Variants in PRDX4 observed in about 807,000 individuals in gnomAD.
The protein encoded by PRDX4 is peroxiredoxin 4, also known as peroxiredoxin-4.
PRDX4 carries 12 observed loss-of-function variants against 20.5 expected under a neutral mutation model. That is an observed-to-expected ratio of 0.58 (90% CI 0.37 to 0.95). PRDX4 has a LOEUF of 0.95. Ranked by LOEUF, PRDX4 falls within the 40% of genes least tolerant of loss-of-function variation. The probability of loss-of-function intolerance (pLI) is 0.01; values close to 1 mark genes in which losing one functional copy is unlikely to be tolerated. For synonymous variants in PRDX4, 99 were observed against 87.5 expected (o/e 1.13, Z -0.73); for missense variants, 180 against 207.3 (o/e 0.87, Z 0.81).
At chrX:23,680,860 A>G (rs931187507) in intron 4 of PRDX4, among the ~76,000 whole-genome samples, 4 of 111,451 alleles carry the variant, frequency 3.6e-5, no homozygotes, top group South Asian at 7.5e-4. Flanking sequence ...GCAATGATCT[A>G]TGATCACACC....
chrX:23,674,265 T>C (rs775680117), intron 2 of PRDX4, among the ~76,000 whole-genome samples: 64 of 112,068 alleles, frequency 5.7e-4, no homozygotes, highest in Non-Finnish European at 1.2e-3. Flanking sequence ...TATTTGTATA[T>C]ATAAATATGT....
chrX:23,684,171 G>A (rs369887441), intron 6 of PRDX4, among the ~76,000 whole-genome samples: 15 of 110,507 alleles, frequency 1.4e-4, no homozygotes, highest in Non-Finnish European at 2.3e-4. Flanking sequence ...TCTTTGGCCT[G>A]TAGGAAGAGT....
intron 6 of PRDX4, chrX:23,686,009 C>A (rs1219063644): frequency 2.4e-6 from 1 of 416,502 alleles, no homozygotes; most frequent in South Asian, 2.7e-5. Flanking sequence ...TAGATCAAAC[C>A]TGAAGATACC....
chrX:23,686,377 A>T lies in PRDX4; in HGVS notation c.*42A>T, dbSNP rs1467047901. On this transcript the variant is annotated 3_prime_UTR_variant, in exon 7 of 7. Coordinates refer to ENST00000379341, the MANE Select transcript of PRDX4 (RefSeq NM_006406.2). ...TTATGATGCTTGAAAGTTCTCAATA[A>T]AGTTCACGGTTTCATTACCACATTG... 9.7e-7 allele frequency: 1 copy of T among 1,032,713 alleles called. No homozygotes were observed. The highest frequency in any genetic ancestry group is 1.9e-5 in the African/African-American group (1 of 53,279). The allele number at this position is 1,032,713 out of a possible 1,213,427, so 85.1% of individuals were successfully genotyped here.
At chrX:23,675,181 A>T in intron 3 of PRDX4, 75 bp downstream of exon 3, 2 of 1,205,336 alleles carry the variant, frequency 1.7e-6, no homozygotes, top group Non-Finnish European at 2.2e-6. Context: ...ATAACTCTTG[A>T]TATGATATAA....
intron 5 of PRDX4, among the ~76,000 whole-genome samples, chrX:23,682,856 ATAT>A (rs1569184570): frequency 9.3e-4 from 57 of 61,263 alleles, no homozygotes; most frequent in Non-Finnish European, 1.4e-3. Context: ...AAAAAAAAAT[ATAT>A]ATATATATAT....
chrX:23,667,610 C>T lies in PRDX4; in HGVS notation c.40C>T (p.His14Tyr). 4 of 1,192,868 alleles carry T rather than the reference C, an allele frequency of 3.4e-6. No homozygotes were observed. The highest frequency in any genetic ancestry group is 4.5e-6 in the Non-Finnish European group (4 of 886,516). ...LPLLAATTPD[H>Y]GRHRRLLLLP... ...GCTGCTAGCCGCGACAACTCCGGAC[C>T]ACGGCCGCCACCGAAGGCTGCTTCT... Residue 14 changes from histidine to tyrosine, a missense_variant, in exon 1 of 7, where the codon CAC (histidine) becomes TAC (tyrosine). Physicochemically the swap from His to Tyr is moderately conservative, Grantham distance 83. Around this residue, in one of 3 missense-constraint regions of PRDX4, gnomAD observed 105 missense variants for 114.2 expected, o/e 0.92. Coordinates refer to ENST00000379341, the MANE Select transcript of PRDX4 (RefSeq NM_006406.2).
At chrX:23,668,882 T>TG (rs1248997854) in intron 1 of PRDX4, among the ~76,000 whole-genome samples, 1 of 109,506 alleles carries the variant, frequency 9.1e-6, no homozygotes, top group African/African-American at 3.3e-5. Flanking sequence ...TCTTACTTGC[T>TG]GAAAGTAAGT....
intron 4 of PRDX4, among the ~76,000 whole-genome samples, chrX:23,679,778 A>T (rs1416898912): frequency 9.1e-6 from 1 of 110,466 alleles, no homozygotes; most frequent in Non-Finnish European, 1.9e-5. Flanking sequence ...AGATATCGAG[A>T]CTATCCTGGC....
intron 4 of PRDX4, among the ~76,000 whole-genome samples, chrX:23,681,079 A>G (rs1928057790): frequency 9.0e-6 from 1 of 110,512 alleles, no homozygotes; most frequent in Non-Finnish European, 1.9e-5. Context: ...AAAAATAGAA[A>G]AAATTAGCCG....
At chrX:23,685,686 GA>G (rs1307870817) in intron 6 of PRDX4, among the ~76,000 whole-genome samples, 1 of 94,489 alleles carries the variant, frequency 1.1e-5, no homozygotes, top group Non-Finnish European at 2.1e-5. Context: ...AACATAATGT[GA>G]GGCCAAATTA....
chrX:23,672,226 A>G (rs1281223466), intron 2 of PRDX4, among the ~76,000 whole-genome samples: 1 of 111,787 alleles, frequency 8.9e-6, no homozygotes, highest in African/African-American at 3.3e-5. Flanking sequence ...GTGCCACTGC[A>G]CTCCAGCCTG....
At chrX:23,674,596 TAAA>T (rs11301192) in intron 2 of PRDX4, among the ~76,000 whole-genome samples, 1 of 106,506 alleles carries the variant, frequency 9.4e-6, no homozygotes, top group Non-Finnish European at 1.9e-5. Flanking sequence ...ATAGGAATAT[TAAA>T]AAAAAAATAG....
intron 2 of PRDX4, among the ~76,000 whole-genome samples, chrX:23,673,922 A>G (rs1927895888): frequency 9.1e-6 from 1 of 110,458 alleles, no homozygotes; most frequent in South Asian, 3.8e-4. Context: ...AAAATCCTGT[A>G]TTGGTATCTG....
intron 5 of PRDX4, among the ~76,000 whole-genome samples, chrX:23,682,853 AATATATAT>A (rs1173209030): frequency 1.5e-3 from 23 of 14,875 alleles, no homozygotes; most frequent in African/African-American, 3.5e-3. Flanking sequence ...AAAAAAAAAA[AATATATAT>A]ATATATATAT....
chrX:23,679,976 C>T (rs773283023), intron 4 of PRDX4, among the ~76,000 whole-genome samples: 55 of 109,426 alleles, frequency 5.0e-4, no homozygotes, highest in African/African-American at 1.7e-3. Context: ...AGCAAGACTC[C>T]GTCTCAAAAA....
rs1927756348 is a variant in PRDX4, at chrX:23,667,626, G to A, written c.56G>A (p.Arg19Lys). 1.7e-6 allele frequency: 2 copies of A among 1,200,609 alleles called. No individual in the cohort carries two copies. The highest frequency in any genetic ancestry group is 2.2e-6 in the Non-Finnish European group (2 of 890,091). Reference sequence around the variant, plus strand: ...ACTCCGGACCACGGCCGCCACCGAAGGCTGCTTCTGCTGCCGCTACTGCTG... The same window carrying A: ...ACTCCGGACCACGGCCGCCACCGAAAGCTGCTTCTGCTGCCGCTACTGCTG... The part of the protein sequence containing the change: ...ATTPDHGRHR[R>K]LLLLPLLLFL... Residue 19 changes from arginine (R) to lysine (K), a missense_variant, in exon 1 of 7, where the codon AGG becomes AAG. Arg to Lys is a conservative substitution (Grantham distance 26, BLOSUM62 2). This residue lies in a region of PRDX4 where 105 missense variants were observed against 114.2 expected (regional missense o/e 0.92). Coordinates refer to ENST00000379341, the MANE Select transcript of PRDX4 (RefSeq NM_006406.2).
intron 1 of PRDX4, among the ~76,000 whole-genome samples, chrX:23,669,586 A>G (rs59242501): frequency 0.011 from 1,220 of 111,784 alleles, 9 homozygotes; most frequent in African/African-American, 0.037. Context: ...GGAGAAAAAA[A>G]AGGCGGGATG....
chrX:23,671,471 T>C (rs1927840296), intron 1 of PRDX4, 58 bp from the exon 2 acceptor site: 1 of 925,936 alleles, frequency 1.1e-6, no homozygotes, highest in African/African-American at 2.0e-5. Flanking sequence ...AAGATGTCCT[T>C]CTACCATTCC....
Sources: allele counts gnomAD v4.1 joint callset (sites outside exome capture counted in the v4.1 genomes callset), GRCh38; gene constraint gnomAD v4.1.1; regional missense constraint gnomAD v4.1.1; transcripts MANE v1.5; gene names NCBI Gene and HGNC (gene_info 2026-07-23, HGNC 2026-07-21).